TRIM37: variants seen among roughly 807,000 people sequenced by gnomAD.
TRIM37 encodes E3 ubiquitin-protein ligase TRIM37.
Under a neutral mutation model 129.8 loss-of-function variants are expected in TRIM37, and 80 were observed. The observed-to-expected ratio is 0.62, with a 90% CI of 0.51 to 0.74. The LOEUF (loss-of-function observed/expected upper bound fraction) is 0.74, where lower values mean the gene tolerates loss of function less well. Among genes scored for constraint, TRIM37 ranks in the 30% least tolerant of loss-of-function variants. The pLI, the probability that TRIM37 is intolerant of heterozygous loss-of-function variation, is 0.00. For missense variants in TRIM37, 1,054 were observed against 1,176.5 expected (o/e 0.90, Z 1.52); for synonymous variants, 389 against 387.1 (o/e 1.00, Z -0.06).
intron 7 of TRIM37, among the ~76,000 whole-genome samples, chr17:59,076,864 C>T (rs746711886): frequency 2.4e-4 from 36 of 152,110 alleles, no homozygotes; most frequent in Non-Finnish European, 4.0e-4. Flanking sequence ...ACTCAGCTCA[C>T]CGCAACCTTT....
chr17:59,099,730 A>C (rs2045281525), intron 2 of TRIM37, among the ~76,000 whole-genome samples: 2 of 152,210 alleles, frequency 1.3e-5, no homozygotes, highest in African/African-American at 4.8e-5. Flanking sequence ...CGAACACACC[A>C]ACTGTTAGCA....
intron 9 of TRIM37, among the ~76,000 whole-genome samples, chr17:59,065,272 CAATT>C (rs1173238164): frequency 1.3e-5 from 2 of 152,150 alleles, no homozygotes; most frequent in Non-Finnish European, 2.9e-5. Context: ...AGTGATAACA[CAATT>C]AATCCCCAAA....
Position 59,028,703 on chromosome 17 carries a change from T to C in TRIM37, c.1969A>G (p.Lys657Glu), listed in dbSNP as rs1042568178. The change falls in exon 19 of 24, where the codon AAA (lysine) becomes GAA (glutamate). Residue 657 changes from lysine (K) to glutamate (E), a missense_variant. By Grantham distance (56) the Lys-to-Glu change is moderately conservative (BLOSUM62 1). This residue lies in a region of TRIM37 where 752 missense variants were observed against 870.8 expected (regional missense o/e 0.86). Coordinates refer to ENST00000262294, the MANE Select transcript of TRIM37 (RefSeq NM_015294.6). Reference protein sequence around the residue: ...QPTASYSRKDKDQRKQQAMWR... With the variant: ...QPTASYSRKDEDQRKQQAMWR... ...ATTGCCTGTTGCTTCCTTTGGTCTT[T>C]ATCTTTTCGAGAATATGATGCTTCA... 1.9e-6 allele frequency: 3 copies of C among 1,614,132 alleles called. No individual in the cohort carries two copies. In the African/African-American group the frequency reaches 4.0e-5, roughly 22 times the overall value.
chr17:59,077,686 T>A (rs991803760), intron 7 of TRIM37, among the ~76,000 whole-genome samples: 7 of 151,636 alleles, frequency 4.6e-5, no homozygotes, highest in Admixed American at 4.6e-4. Flanking sequence ...GGCACGTGCC[T>A]GTAGTCCCAG....
intron 7 of TRIM37, among the ~76,000 whole-genome samples, chr17:59,078,525 C>T (rs1403036051): frequency 3.3e-5 from 5 of 152,102 alleles, no homozygotes; most frequent in Non-Finnish European, 7.4e-5. Flanking sequence ...TATTTGGCTA[C>T]GACTGAAGAT....
intron 15 of TRIM37, among the ~76,000 whole-genome samples, chr17:59,048,603 T>C (rs981228490): frequency 2.6e-5 from 4 of 152,186 alleles, no homozygotes; most frequent in African/African-American, 4.8e-5. Flanking sequence ...CCTTTTTTTT[T>C]TCTTTTTCTT....
chr17:59,060,407 T>C (rs1163664141), intron 12 of TRIM37, among the ~76,000 whole-genome samples: 1 of 151,860 alleles, frequency 6.6e-6, no homozygotes, highest in Non-Finnish European at 1.5e-5. Flanking sequence ...AAAGCAGACA[T>C]TCCATACTAA....
At chr17:59,100,769 T>A (rs186912072) in intron 2 of TRIM37, among the ~76,000 whole-genome samples, 294 of 152,212 alleles carry the variant, frequency 1.9e-3, no homozygotes, top group Non-Finnish European at 1.1e-3. Context: ...ACATCTGTAA[T>A]CCTAGCACTT....
rs753547952 is a variant in TRIM37 at position 59,079,736 on chromosome 17, GCATA to G, written c.616+14_616+17del. ...GCTGAAAGCACCAGGTACCCCAGCAGCATACATAAACACTTACCCATCAGTGTTA... is the reference window on the plus strand; with the variant it reads ...GCTGAAAGCACCAGGTACCCCAGCAGCATAAACACTTACCCATCAGTGTTA... On this transcript the variant is annotated intron_variant, in intron 7 of 23. Coordinates refer to ENST00000262294, the MANE Select transcript of TRIM37 (RefSeq NM_015294.6). The G allele has an allele frequency of 6.8e-6, 11 of 1,613,550 alleles. No individual in the cohort carries two copies. The African/African-American group carries it at 1.5e-4, about 22-fold the overall frequency.
intron 19 of TRIM37, among the ~76,000 whole-genome samples, chr17:59,026,300 G>T (rs917403599): frequency 1.2e-4 from 18 of 152,162 alleles, no homozygotes; most frequent in African/African-American, 4.3e-4. Flanking sequence ...CTAAAAGCAA[G>T]AACTAAAACT....
rs746139542 is a variant in TRIM37, at chr17:59,049,389, A to C, written c.1319T>G (p.Leu440Arg). The change falls in exon 15 of 24, where the codon CTT becomes CGT. Residue 440 changes from leucine (L) to arginine (R), a missense_variant. By Grantham distance (102) the Leu-to-Arg change is moderately radical. Coordinates refer to ENST00000262294, the MANE Select transcript of TRIM37 (RefSeq NM_015294.6). ...IQQINNLKER[L>R]TIELSRTQKS... is the part of the protein sequence containing the mutation. ...CTGAGTTCGAGACAGCTCAATAGTA[A>C]GTCTCTTTTAAAACAAGAAAAGCAC... 6.2e-7 allele frequency: 1 copy of C among 1,613,912 alleles called. No homozygotes were observed.
chr17:59,001,537 A>C (rs2033765611), intron 23 of TRIM37, 61 bp downstream of exon 23: 1 of 1,610,088 alleles, frequency 6.2e-7, no homozygotes, highest in Non-Finnish European at 8.5e-7. Flanking sequence ...CAGAAGAAGA[A>C]GAAAGAGAAG....
chr17:59,017,274 A>C (rs768162421), intron 20 of TRIM37, 22 bp downstream of exon 20: 1 of 1,613,658 alleles, frequency 6.2e-7, no homozygotes, highest in Non-Finnish European at 8.5e-7. Flanking sequence ...CTAAAAGTAC[A>C]TTCTGAATCC....
chr17:59,023,908 A>G (rs1012167017), intron 19 of TRIM37, among the ~76,000 whole-genome samples: 1 of 152,012 alleles, frequency 6.6e-6, no homozygotes, highest in African/African-American at 2.4e-5. Flanking sequence ...TAATTGAAAA[A>G]CTGTTAATAA....
At chr17:58,989,097 G>C (rs2032098653) in intron 24 of TRIM37, among the ~76,000 whole-genome samples, 1 of 152,164 alleles carries the variant, frequency 6.6e-6, no homozygotes, top group Admixed American at 6.5e-5. Context: ...GAAAAGCCAA[G>C]AAGAAAACAT....
downstream of TRIM37, among the ~76,000 whole-genome samples, chr17:58,995,153 A>G (rs2032860538): frequency 6.6e-6 from 1 of 152,038 alleles, no homozygotes; most frequent in African/African-American, 2.4e-5. Flanking sequence ...AGCTCAAGTG[A>G]TCCTCCCACC....
downstream of TRIM37, among the ~76,000 whole-genome samples, chr17:58,993,323 G>T (rs1308068514): frequency 6.6e-6 from 1 of 152,130 alleles, no homozygotes; most frequent in Admixed American, 6.6e-5. Flanking sequence ...TAACACTCTA[G>T]AGAATAAAAG....
At chr17:59,036,483 T>TGTGTGC (rs929536364) in intron 17 of TRIM37, among the ~76,000 whole-genome samples, 391 of 148,982 alleles carry the variant, frequency 2.6e-3, no homozygotes, top group African/African-American at 9.0e-3. Context: ...TGTGTGTGTG[T>TGTGTGC]GCACGCGTGT....
intron 23 of TRIM37, 31 bp downstream of exon 23, chr17:59,001,567 A>C: frequency 6.2e-7 from 1 of 1,613,334 alleles, no homozygotes; most frequent in Non-Finnish European, 8.5e-7. Flanking sequence ...TGGTTTTAGT[A>C]ATCTGTGTAA....
Sources: allele counts gnomAD v4.1 joint callset (sites outside exome capture counted in the v4.1 genomes callset), GRCh38; gene constraint gnomAD v4.1.1; regional missense constraint gnomAD v4.1.1; transcripts MANE v1.5; gene names NCBI Gene and HGNC (gene_info 2026-07-23, HGNC 2026-07-21).